The following NINL variants were observed in gnomAD, a reference collection of about 807,000 sequenced individuals.
The protein encoded by NINL is ninein-like protein.
A neutral mutation model predicts 160.3 loss-of-function variants in NINL; 153 were observed. The ratio of observed to expected loss-of-function variants is 0.95; its 90% confidence interval spans 0.84 to 1.09. The LOEUF is 1.09. Ranked by LOEUF, NINL falls within the 50% of genes least tolerant of loss-of-function variation. The pLI, the probability that NINL is intolerant of heterozygous loss-of-function variation, is 0.00. For synonymous variants in NINL, 800 were observed against 734.8 expected, an observed-to-expected ratio of 1.09 and a Z score of -1.43; for missense variants, 1,829 against 1,764.0, an observed-to-expected ratio of 1.04 and a Z score of -0.66.
At chr20:25,479,283 G>A (rs84816) in intron 15 of NINL, 77 bp from the exon 16 acceptor site, 696,135 of 1,514,746 alleles carry the variant, frequency 0.46, 166,146 homozygotes, top group East Asian at 0.92. Context: ...ACAGAAACAC[G>A]AAGCTGCCTG....
At chr20:25,488,672 G>A (rs895105158) in intron 13 of NINL, among the ~76,000 whole-genome samples, 52 of 151,724 alleles carry the variant, frequency 3.4e-4, no homozygotes, top group South Asian at 6.3e-4. Context: ...GCAACACCAC[G>A]GCACATTCCT....
intron 13 of NINL, 148 bp from the exon 14 acceptor site, chr20:25,482,248 A>G (rs2063406986): frequency 1.2e-6 from 1 of 858,448 alleles, no homozygotes; most frequent in Admixed American, 3.2e-5. Flanking sequence ...GCAGGAAACC[A>G]TCTGGATTTT....
chr20:25,560,798 G>C (rs1471072497), intron 1 of NINL, among the ~76,000 whole-genome samples: 1 of 151,924 alleles, frequency 6.6e-6, no homozygotes, highest in Non-Finnish European at 1.5e-5. Context: ...GCATCTGAGG[G>C]CTCTGAGAAG....
At chr20:25,578,662 G>A (rs1046307598) in intron 1 of NINL, among the ~76,000 whole-genome samples, 6 of 151,536 alleles carry the variant, frequency 4.0e-5, no homozygotes, top group African/African-American at 9.7e-5. Context: ...GCATGGTGGC[G>A]GGCGCATGTA....
In NINL at chr20:25,462,493, G is replaced by A; in HGVS notation, c.3472C>T (p.Gln1158Ter). The A allele has an allele frequency of 6.2e-7, 1 of 1,614,192 alleles. No homozygotes were observed. The highest frequency in any genetic ancestry group is 8.5e-7 in the Non-Finnish European group (1 of 1,180,026). Residue 1158 changes from glutamine (Q) to a stop codon, truncating the protein, a stop_gained, in exon 20 of 24, where the codon CAA (glutamine) becomes TAA (stop). Coordinates refer to ENST00000278886, the MANE Select transcript of NINL (RefSeq NM_025176.6). LOFTEE classifies it high-confidence loss of function. ...QLSQLNVRVLQLGQEASTHQA... is the reference protein window; with the variant it reads ...QLSQLNVRVL ...TGGGTAGAAGCCTCCTGTCCCAGTT[G>A]AAGAACCCTGACATTGAGCTGGGAT...
At chr20:25,537,549 A>T (rs117921754) in intron 1 of NINL, among the ~76,000 whole-genome samples, 23 of 152,358 alleles carry the variant, frequency 1.5e-4, no homozygotes, top group Non-Finnish European at 2.6e-4. Flanking sequence ...CCCCACACAC[A>T]AAATTAAAAC....
intron 1 of NINL, among the ~76,000 whole-genome samples, chr20:25,530,942 G>A (rs1206442242): frequency 6.6e-6 from 1 of 152,150 alleles, no homozygotes; most frequent in Non-Finnish European, 1.5e-5. Context: ...CCGGTCTGAC[G>A]AAAATTTTAT....
At chr20:25,524,101 G>A (rs753957379) in intron 2 of NINL, among the ~76,000 whole-genome samples, 10 of 152,250 alleles carry the variant, frequency 6.6e-5, no homozygotes, top group Non-Finnish European at 1.3e-4. Context: ...TTAAATCTCT[G>A]TATGACGTTC....
At chr20:25,539,638 C>T (rs1193084618) in intron 1 of NINL, among the ~76,000 whole-genome samples, 1 of 152,168 alleles carries the variant, frequency 6.6e-6, no homozygotes, top group East Asian at 1.9e-4. Context: ...TTTCCAGAGG[C>T]GCCTAGCTGC....
intron 1 of NINL, among the ~76,000 whole-genome samples, chr20:25,571,405 C>T (rs1005805029): frequency 3.3e-5 from 5 of 152,152 alleles, no homozygotes; most frequent in East Asian, 1.9e-4. Context: ...CAGCACTCCT[C>T]GAAGGAGCCT....
intron 19 of NINL, among the ~76,000 whole-genome samples, chr20:25,465,659 G>A (rs191391824): frequency 5.3e-5 from 8 of 152,102 alleles, no homozygotes; most frequent in Admixed American, 5.2e-4. Flanking sequence ...CACAGAGCAG[G>A]GACGGCCGTC....
chr20:25,548,112 C>G (rs2064757712), intron 1 of NINL, among the ~76,000 whole-genome samples: 1 of 152,200 alleles, frequency 6.6e-6, no homozygotes, highest in African/African-American at 2.4e-5. Context: ...TCCCTCCTTG[C>G]CATGGGGGCA....
At position 25,476,782 on chromosome 20, in the gene NINL, C is replaced by CT; in HGVS notation, c.2508dup (p.Gly837ArgfsTer29). On this transcript the variant is annotated frameshift_variant, in exon 17 of 24. Coordinates refer to ENST00000278886, the MANE Select transcript of NINL (RefSeq NM_025176.6). LOFTEE classifies it high-confidence loss of function. ...CCACGTGTGCCCTCCTGGCCACTTC[C>CT]TGCCACCAGCCCATCTTTCGGCAGG... 6.2e-7 allele frequency: 1 copy of CT among 1,612,182 alleles called. No homozygotes were observed. The highest frequency in any genetic ancestry group is 2.2e-5 in the East Asian group (1 of 44,870).
Position 25,491,469 on chromosome 20 carries a change from G to T in NINL, c.1367C>A (p.Ala456Glu), listed in dbSNP as rs141376094. ...RLSLLRSEVE[A>E]ERELFWEQAH... The stretch of plus-strand genomic sequence containing the variant: ...CTGCTCCCAGAACAGCTCTCGCTCC[G>T]CCTCCACCTCAGACCGCAGGAGGCT... Residue 456 changes from alanine (A) to glutamate (E), a missense_variant, in exon 11 of 24, where the codon GCG (alanine) becomes GAG (glutamate). By Grantham distance (107) the Ala-to-Glu change is moderately radical. Coordinates refer to ENST00000278886, the MANE Select transcript of NINL (RefSeq NM_025176.6). 5 of 1,613,880 alleles carry T rather than the reference G, an allele frequency of 3.1e-6. No homozygotes were observed. Among genetic ancestry groups the T allele is most frequent in the Non-Finnish European group, 4.2e-6 (5 of 1,179,998 alleles).
At chr20:25,505,142 T>C in intron 5 of NINL, 64 bp from the exon 6 acceptor site, 1 of 1,420,276 alleles carries the variant, frequency 7.0e-7, no homozygotes, top group Non-Finnish European at 9.4e-7. Flanking sequence ...GACTCAGCCT[T>C]AGAAAGAAGG....
At chr20:25,494,651 C>A (rs374589351) in intron 10 of NINL, among the ~76,000 whole-genome samples, 11 of 152,368 alleles carry the variant, frequency 7.2e-5, no homozygotes, top group East Asian at 5.8e-4. Context: ...CCAGCCACCC[C>A]CTATGGACTG....
At position 25,490,188 on chromosome 20, in the gene NINL, A is replaced by C. The variant is rs190219259; in HGVS notation, c.1486-203T>G. 3.5e-3 allele frequency among the ~76,000 whole-genome samples: 537 copies of C among 152,306 alleles called. 3 individuals are homozygous for C. Among genetic ancestry groups the C allele is most frequent in the African/African-American group, 0.012 (505 of 41,574 alleles). ...CCAGGACAGACGCCAGAGCCCACCC[A>C]GACTGTGGCTACCCCATCGTCTTCA... On this transcript the variant is annotated intron_variant, in intron 11 of 23. Coordinates refer to ENST00000278886, the MANE Select transcript of NINL (RefSeq NM_025176.6).
In NINL at chr20:25,476,362, C is replaced by G; in HGVS notation, c.2929G>C (p.Ala977Pro). The G allele has an allele frequency of 3.7e-6, 6 of 1,611,826 alleles. No homozygotes were observed. Among genetic ancestry groups the G allele is most frequent in the Non-Finnish European group, 5.1e-6 (6 of 1,179,716 alleles). ...SCRGQAERLQ[A>P]IQEERARSWS... ...CTTCGTGCTCGCTCTTCCTGAATGG[C>G]CTGTAGCCTCTCAGCCTGTCCCCTG... is the stretch of plus-strand genomic sequence containing the variant. Residue 977 changes from alanine (A) to proline (P), a missense_variant, in exon 17 of 24, where the codon GCC (alanine) becomes CCC (proline). Transcript: ENST00000278886.
intron 5 of NINL, among the ~76,000 whole-genome samples, chr20:25,508,935 C>T (rs866358870): frequency 2.6e-5 from 4 of 152,238 alleles, no homozygotes; most frequent in Non-Finnish European, 4.4e-5. Context: ...TCTAACTTTG[C>T]CCCTCTTTGC....
Sources: allele counts gnomAD v4.1 joint callset (sites outside exome capture counted in the v4.1 genomes callset), GRCh38; gene constraint gnomAD v4.1.1; transcripts MANE v1.5; gene names NCBI Gene and HGNC (gene_info 2026-07-23, HGNC 2026-07-21).